SEPTIN8: variants seen among roughly 807,000 people sequenced by gnomAD.
SEPTIN8 encodes septin 8.
A neutral mutation model predicts 53.1 loss-of-function variants in SEPTIN8; 22 were observed. The observed-to-expected ratio is 0.41, with a 90% CI of 0.30 to 0.59. SEPTIN8 has a LOEUF of 0.59. Ranked by LOEUF, SEPTIN8 falls within the 20% of genes least tolerant of loss-of-function variation. The pLI, the probability that SEPTIN8 is intolerant of heterozygous loss-of-function variation, is 0.24. For synonymous variants in SEPTIN8, 228 were observed against 248.4 expected (o/e 0.92, Z 0.77); for missense variants, 536 against 638.7 (o/e 0.84, Z 1.73).
chr5:132,757,711 T>C, intron 9 of SEPTIN8: 1 of 985,454 alleles, frequency 1.0e-6, no homozygotes. Context: ...ACACTGACAT[T>C]CTTGGTGGCT....
Position 132,776,978 on chromosome 5 carries a change from C to G in SEPTIN8, c.30+130G>C, listed in dbSNP as rs904666453. 2.0e-6 allele frequency: 1 copy of G among 496,822 alleles called. No individual in the cohort carries two copies. The highest frequency in any genetic ancestry group is 2.8e-6 in the Non-Finnish European group (1 of 353,404). The allele number at this position is 496,822 out of a possible 1,614,324, so 30.8% of individuals were successfully genotyped here. On this transcript the variant is annotated intron_variant, in intron 1 of 9. Transcript: ENST00000378719. The surrounding 1 kb of genome is among the most constrained non-coding windows in gnomAD (Gnocchi z 4.4). ...GGCCGAGAGCCCGCGCCGGGGTCCT[C>G]GAGCTGGCCCGGTGTCGAGGCCCGG...
chr5:132,763,363 A>G (rs1282347133), intron 4 of SEPTIN8, among the ~76,000 whole-genome samples: 1 of 152,198 alleles, frequency 6.6e-6, no homozygotes, highest in Non-Finnish European at 1.5e-5. Context: ...ATAGAAAATG[A>G]GCAGAGAAGA....
chr5:132,756,838 A>G, intron 9 of SEPTIN8: 1 of 985,456 alleles, frequency 1.0e-6, no homozygotes, highest in Admixed American at 6.1e-5. Context: ...TGCATACTCC[A>G]GAGTCCTAGG....
intron 4 of SEPTIN8, 56 bp downstream of exon 4, chr5:132,763,650 A>AT (rs1756233361): frequency 6.5e-7 from 1 of 1,536,712 alleles, no homozygotes; most frequent in Non-Finnish European, 9.0e-7. Context: ...CAGCCACCAC[A>AT]TCGCATCGCA....
Position 132,773,454 on chromosome 5 carries a change from T to C in SEPTIN8, c.30+3654A>G, listed in dbSNP as rs201656395. Among the ~76,000 whole-genome samples, 1 of 152,298 alleles carries C rather than the reference T, an allele frequency of 6.6e-6. No homozygotes were observed. Among genetic ancestry groups the C allele is most frequent in the African/African-American group, 2.4e-5 (1 of 41,564 alleles). On this transcript the variant is annotated intron_variant, in intron 1 of 9. Coordinates refer to ENST00000378719, the MANE Select transcript of SEPTIN8 (RefSeq NM_001098811.2). The surrounding 1 kb of genome is among the most constrained non-coding windows in gnomAD (Gnocchi z 4.2). ...TTCGTGGTAGTTACTGCCCCAAATA[T>C]AATATATGCTTCCACCTAGCCCATC...
upstream of SEPTIN8, chr5:132,777,359 A>C (rs1757908574): frequency 3.8e-6 from 4 of 1,040,728 alleles, no homozygotes; most frequent in Admixed American, 1.1e-4. This position sits in a 1 kb window ranked among gnomAD's most constrained non-coding sequence, Gnocchi z 4.1. Flanking sequence ...CCACGAGCGC[A>C]GCCGGAGCCC....
chr5:132,754,652 G>A (rs1395195990), intron 9 of SEPTIN8: 22 of 604,602 alleles, frequency 3.6e-5, no homozygotes, highest in East Asian at 5.7e-5. Context: ...AGTCCCACTC[G>A]TGGATTTTTA....
At chr5:132,762,404 G>A in intron 5 of SEPTIN8, 80 bp downstream of exon 5, 1 of 1,394,096 alleles carries the variant, frequency 7.2e-7, no homozygotes, top group Non-Finnish European at 1.0e-6. Context: ...GGGAACAAGA[G>A]TCTCCTGGGG....
intron 1 of SEPTIN8, 110 bp from the exon 2 acceptor site, chr5:132,765,639 C>G (rs1756507156): frequency 1.5e-6 from 2 of 1,314,930 alleles, no homozygotes; most frequent in Middle Eastern, 2.3e-4. Flanking sequence ...CACCCGATGT[C>G]TGAATTCTCA....
chr5:132,763,991 C>T, intron 3 of SEPTIN8, 99 bp from the exon 4 acceptor site: 5 of 1,276,430 alleles, frequency 3.9e-6, no homozygotes, highest in Non-Finnish European at 5.4e-6. Context: ...TGCCCCCTGG[C>T]CTTTTCTTTC....
At chr5:132,754,348 CTCCT>C (rs1447409467) in intron 9 of SEPTIN8, 1 of 713,368 alleles carries the variant, frequency 1.4e-6, no homozygotes, top group Non-Finnish European at 2.6e-6. Context: ...TGCCCTCTGC[CTCCT>C]TCCTTCCAGT....
At chr5:132,758,428 AC>A in intron 9 of SEPTIN8, 1 of 1,571,198 alleles carries the variant, frequency 6.4e-7, no homozygotes. Flanking sequence ...CACCTAGGGC[AC>A]CACGTGAGTT....
In SEPTIN8 at chr5:132,760,860, A is replaced by T. The variant is rs1246157772; in HGVS notation, c.1228T>A (p.Ser410Thr). 1 of 1,613,724 alleles carries T rather than the reference A, an allele frequency of 6.2e-7. No homozygotes were observed. Among genetic ancestry groups the T allele is most frequent in the Non-Finnish European group, 8.5e-7 (1 of 1,179,996 alleles). ...RRKAAVEALQ[S>T]QALHATSQQP... The stretch of plus-strand genomic sequence containing the variant: ...TGCGAGGTGGCGTGCAAGGCCTGCG[A>T]CTGCAGGGCCTCCACCGCAGCCTTC... The change falls in exon 9 of 10, where the codon TCG becomes ACG. Residue 410 changes from serine to threonine, a missense_variant. By Grantham distance (58) the Ser-to-Thr change is moderately conservative (BLOSUM62 1). Transcript: ENST00000378719. This position sits in a 1 kb window ranked among gnomAD's most constrained non-coding sequence, Gnocchi z 5.2.
intron 9 of SEPTIN8, chr5:132,758,463 G>A (rs747681296): frequency 1.2e-6 from 2 of 1,603,702 alleles, no homozygotes; most frequent in Non-Finnish European, 8.5e-7. Context: ...TGAACAATTA[G>A]GCCTAGCATC....
intron 9 of SEPTIN8, chr5:132,756,602 G>A: frequency 4.1e-6 from 4 of 985,380 alleles, no homozygotes; most frequent in Non-Finnish European, 4.8e-6. Flanking sequence ...GGTTTAATTT[G>A]GTCTCAGCTA....
chr5:132,762,150 G>A lies in SEPTIN8; in HGVS notation c.697-254C>T, dbSNP rs999379454. ...CTTTCAGCACTCGGGCCTCCCAGGG[G>A]CCATTAGAGCTTCCTGAAAGGACCT... On this transcript the variant is annotated intron_variant, in intron 5 of 9. Coordinates refer to ENST00000378719, the MANE Select transcript of SEPTIN8 (RefSeq NM_001098811.2). Among the ~76,000 whole-genome samples, 6 of 152,172 alleles carry A rather than the reference G, an allele frequency of 3.9e-5. No homozygotes were observed. The East Asian group carries it at 5.8e-4, about 15-fold the overall frequency.
At chr5:132,756,627 C>CCAAA (rs1290386475) in intron 9 of SEPTIN8, 9 of 985,288 alleles carry the variant, frequency 9.1e-6, no homozygotes, top group Non-Finnish European at 1.1e-5. Flanking sequence ...AGACAAAATT[C>CCAAA]CAAACACAAA....
chr5:132,751,242 T>C lies in SEPTIN8; in HGVS notation c.*774A>G, dbSNP rs922608512. ...CTTTACAAAGATTTTTAGACGGCAC[T>C]ATTATGGTGAGTTTCTCTTTTAAAT... On this transcript the variant is annotated 3_prime_UTR_variant, in exon 10 of 10. Coordinates refer to ENST00000378719, the MANE Select transcript of SEPTIN8 (RefSeq NM_001098811.2). 3 of 421,802 alleles carry C rather than the reference T, an allele frequency of 7.1e-6. No individual in the cohort carries two copies. Among genetic ancestry groups the C allele is most frequent in the East Asian group, 7.8e-5 (2 of 25,668 alleles). 26.1% of individuals were successfully genotyped at this position (421,802 alleles called of 1,614,324 possible). A position where few individuals can be genotyped will look rare whatever the true frequency, so the allele number is the denominator to read the frequency against.
At chr5:132,768,316 A>G (rs541378586) in intron 1 of SEPTIN8, among the ~76,000 whole-genome samples, 2 of 152,088 alleles carry the variant, frequency 1.3e-5, no homozygotes, top group East Asian at 3.9e-4. Context: ...TGGAGCATGC[A>G]TGCACACACA....
Sources: gnomAD v4.1 joint callset for allele counts (sites outside exome capture counted in the v4.1 genomes callset) on GRCh38, gnomAD v4.1.1 for gene constraint, Gnocchi (gnomAD v3.1) non-coding constraint, MANE v1.5 for transcripts, NCBI Gene and HGNC (gene_info 2026-07-23, HGNC 2026-07-21) for gene names.